The following ZCCHC14 variants were observed in gnomAD, a reference collection of about 807,000 sequenced individuals.
ZCCHC14 encodes the protein zinc finger CCHC domain-containing protein 14.
In ZCCHC14, 16 loss-of-function variants were observed where a neutral mutation model predicts 85.0. That is an observed-to-expected ratio of 0.19 (90% CI 0.13 to 0.29). ZCCHC14 has a LOEUF of 0.29. ZCCHC14 is among the 10% of genes least tolerant of loss of function. The probability of loss-of-function intolerance (pLI) is 1.00; values close to 1 mark genes in which losing one functional copy is unlikely to be tolerated. For missense variants in ZCCHC14, 1,303 were observed against 1,443.5 expected (o/e 0.90, Z 1.58); for synonymous variants, 775 against 630.7 (o/e 1.23, Z -3.43).
At chr16:87,469,019 T>C (rs373107475) in intron 1 of ZCCHC14, among the ~76,000 whole-genome samples, 1 of 152,246 alleles carries the variant, frequency 6.6e-6, no homozygotes, top group East Asian at 1.9e-4. Context: ...GCCAATGGAA[T>C]GCCTACGATG....
intron 3 of ZCCHC14, among the ~76,000 whole-genome samples, chr16:87,428,516 G>C (rs1597410331): frequency 6.6e-6 from 1 of 152,156 alleles, no homozygotes; most frequent in East Asian, 1.9e-4. Context: ...AGGTTCTATG[G>C]ACAAAAGGAA....
At chr16:87,465,350 G>C in intron 1 of ZCCHC14, among the ~76,000 whole-genome samples, 1 of 152,116 alleles carries the variant, frequency 6.6e-6, no homozygotes, top group South Asian at 2.1e-4. Flanking sequence ...AGAATCAAAC[G>C]GAAAGCACTT....
At chr16:87,466,247 A>G (rs563723218) in intron 1 of ZCCHC14, among the ~76,000 whole-genome samples, 115 of 152,368 alleles carry the variant, frequency 7.5e-4, no homozygotes, top group African/African-American at 2.6e-3. Context: ...GGACCTGACC[A>G]TAACTTTTAG....
At position 87,459,991 on chromosome 16, in the gene ZCCHC14, C is replaced by T. The variant is rs772708757; in HGVS notation, c.694+17G>A. The T allele has an allele frequency of 6.2e-7, 1 of 1,614,040 alleles. No homozygotes were observed. Among genetic ancestry groups the T allele is most frequent in the South Asian group, 1.1e-5 (1 of 91,074 alleles). On this transcript the variant is annotated intron_variant, in intron 2 of 12. Transcript: ENST00000671377. Reference sequence around the variant, plus strand: ...CCGTCCGTCAGACGTCCTCCTGAAACCCGTGCGTGCACTCACCTTTGCTGT... The same window carrying T: ...CCGTCCGTCAGACGTCCTCCTGAAATCCGTGCGTGCACTCACCTTTGCTGT...
At chr16:87,415,569 G>A (rs181701547) in intron 8 of ZCCHC14, among the ~76,000 whole-genome samples, 8 of 152,298 alleles carry the variant, frequency 5.3e-5, no homozygotes, top group Admixed American at 2.0e-4. Flanking sequence ...ACTCCGAGAC[G>A]CAGTTCTGAG....
At chr16:87,424,339 G>A (rs1909257895) in intron 3 of ZCCHC14, among the ~76,000 whole-genome samples, 1 of 152,212 alleles carries the variant, frequency 6.6e-6, no homozygotes. Flanking sequence ...GTGAGCCCAG[G>A]CCCTGCTCTC....
chr16:87,455,914 C>T (rs535253425), intron 2 of ZCCHC14, among the ~76,000 whole-genome samples: 2 of 152,176 alleles, frequency 1.3e-5, no homozygotes, highest in Non-Finnish European at 2.9e-5. Context: ...GCGTTCTGAG[C>T]ACATTTAAGG....
chr16:87,428,952 C>T (rs1410311332), intron 3 of ZCCHC14, among the ~76,000 whole-genome samples: 6 of 152,246 alleles, frequency 3.9e-5, no homozygotes, highest in Non-Finnish European at 8.8e-5. Flanking sequence ...TGTCCACGCG[C>T]CTGTGAACGG....
At position 87,439,153 on chromosome 16, in the gene ZCCHC14, T is replaced by C. The variant is rs1431873322; in HGVS notation, c.695-5952A>G. On this transcript the variant is annotated intron_variant, in intron 2 of 12. Transcript: ENST00000671377. ...ATACAAGTTCTTTTTTTTTTTTTCT[T>C]TTTTTAGAGGGAGTCTTGCTCTGTC... Among the ~76,000 whole-genome samples, 6 of 152,022 alleles carry C rather than the reference T, an allele frequency of 3.9e-5. No homozygotes were observed. In the South Asian group the frequency reaches 1.3e-3, roughly 32 times the overall value.
intron 1 of ZCCHC14, among the ~76,000 whole-genome samples, chr16:87,481,660 G>A (rs1322874048): frequency 6.6e-6 from 1 of 151,286 alleles, no homozygotes; most frequent in Non-Finnish European, 1.5e-5. Context: ...GGTGTCACTG[G>A]AGACAAATCT....
chr16:87,411,632 C>G lies in ZCCHC14; in HGVS notation c.3089G>C (p.Gly1030Ala), dbSNP rs1461106041. The G allele has an allele frequency of 1.9e-6, 3 of 1,613,934 alleles. No homozygotes were observed. Among genetic ancestry groups the G allele is most frequent in the East Asian group, 4.5e-5 (2 of 44,882 alleles). ...AGVYQTQGLV[G>A]SSNGSSHKKS... Reference sequence around the variant, plus strand: ...TTTGTGACTGGAACCATTGCTACTGCCCACCAGTCCTTGGGTCTGGTACAC... The same window carrying G: ...TTTGTGACTGGAACCATTGCTACTGGCCACCAGTCCTTGGGTCTGGTACAC... The change falls in exon 12 of 13, where the codon GGC becomes GCC. Residue 1030 changes from glycine to alanine, a missense_variant. Around this residue, in one of 7 missense-constraint regions of ZCCHC14, gnomAD observed 797 missense variants for 730.8 expected, o/e 1.09. Coordinates refer to ENST00000671377, the MANE Select transcript of ZCCHC14 (RefSeq NM_015144.3).
intron 2 of ZCCHC14, among the ~76,000 whole-genome samples, chr16:87,444,079 A>C (rs957159006): frequency 1.3e-5 from 2 of 151,580 alleles, no homozygotes; most frequent in East Asian, 3.9e-4. Flanking sequence ...AAAAGGAAAA[A>C]CACAGAAACG....
rs1567513305 is a variant in ZCCHC14 at position 87,420,885 on chromosome 16, G to A, written c.841-169C>T. 6.6e-6 allele frequency among the ~76,000 whole-genome samples: 1 copy of A among 152,244 alleles called. No individual in the cohort carries two copies. The highest frequency in any genetic ancestry group is 6.5e-5 in the Admixed American group (1 of 15,288). ...TCTGGGGCCCACATCCACTTAGGGT[G>A]TAGAAAGTCACAAAAGAACATCGCT... On this transcript the variant is annotated intron_variant, in intron 4 of 12. Coordinates refer to ENST00000671377, the MANE Select transcript of ZCCHC14 (RefSeq NM_015144.3). This position sits in a 1 kb window ranked among gnomAD's most constrained non-coding sequence, Gnocchi z 5.0.
In ZCCHC14 at chr16:87,420,787, G is replaced by A; in HGVS notation, c.841-71C>T. 2 of 1,320,158 alleles carry A rather than the reference G, an allele frequency of 1.5e-6. No homozygotes were observed. The highest frequency in any genetic ancestry group is 2.1e-6 in the Non-Finnish European group (2 of 956,828). 81.8% of individuals were successfully genotyped at this position (1,320,158 alleles called of 1,614,324 possible). On this transcript the variant is annotated intron_variant, in intron 4 of 12. Transcript: ENST00000671377. The surrounding 1 kb of genome is among the most constrained non-coding windows in gnomAD (Gnocchi z 5.0). Reference sequence around the variant, plus strand: ...ACACCAGCAGAATTCTGCTACTGCAGGAAAACCTGGGGCAGGTGCTCCATG... The same window carrying A: ...ACACCAGCAGAATTCTGCTACTGCAAGAAAACCTGGGGCAGGTGCTCCATG...
At position 87,412,471 on chromosome 16, in the gene ZCCHC14, G is replaced by T. The variant is rs1243575870; in HGVS notation, c.2250C>A (p.Ala750=). ...DRVLKTAQQP[A]LVVETSTAAT... ...CGGCCGTGCTGGTCTCCACGACCAG[G>T]GCCGGTTGCTGTGCTGTCTTCAGCA... Residue 750 remains alanine (A), a synonymous_variant, in exon 12 of 13, where the codon GCC becomes GCA. Coordinates refer to ENST00000671377, the MANE Select transcript of ZCCHC14 (RefSeq NM_015144.3). 2 of 1,613,828 alleles carry T rather than the reference G, an allele frequency of 1.2e-6. No homozygotes were observed. The highest frequency in any genetic ancestry group is 2.2e-5 in the East Asian group (1 of 44,886).
intron 1 of ZCCHC14, among the ~76,000 whole-genome samples, chr16:87,489,629 C>T (rs114307254): frequency 1.0e-3 from 156 of 152,256 alleles, no homozygotes; most frequent in African/African-American, 3.7e-3. Context: ...AGGATCCTGG[C>T]CAAGGTTGCA....
intron 1 of ZCCHC14, among the ~76,000 whole-genome samples, chr16:87,482,973 G>A (rs1385039276): frequency 6.6e-6 from 1 of 151,578 alleles, no homozygotes; most frequent in Non-Finnish European, 1.5e-5. Flanking sequence ...GATGAGAAAC[G>A]CATTATACAT....
intron 1 of ZCCHC14, chr16:87,471,000 GA>G (rs1911748480): frequency 6.6e-6 from 1 of 151,786 alleles, no homozygotes; most frequent in South Asian, 2.1e-4. Context: ...GAAAAGTATA[GA>G]AAAAGCAAGC....
intron 4 of ZCCHC14, among the ~76,000 whole-genome samples, chr16:87,423,536 T>A (rs1418192973): frequency 1.3e-5 from 2 of 152,156 alleles, no homozygotes; most frequent in East Asian, 1.9e-4. Flanking sequence ...AGAAACCAAA[T>A]GTCCTCATCA....
Sources: allele counts gnomAD v4.1 joint callset (sites outside exome capture counted in the v4.1 genomes callset), GRCh38; gene constraint gnomAD v4.1.1; regional missense constraint gnomAD v4.1.1; non-coding constraint Gnocchi (gnomAD v3.1); transcripts MANE v1.5; gene names NCBI Gene and HGNC (gene_info 2026-07-23, HGNC 2026-07-21).